EPS15L1: variants seen among roughly 807,000 people sequenced by gnomAD.
EPS15L1 encodes epidermal growth factor receptor substrate 15-like 1.
Under a neutral mutation model 117.1 loss-of-function variants are expected in EPS15L1, and 43 were observed. The observed-to-expected ratio is 0.37, with a 90% CI of 0.29 to 0.47. The LOEUF (loss-of-function observed/expected upper bound fraction) is 0.47, where lower values mean the gene tolerates loss of function less well. Among genes scored for constraint, EPS15L1 ranks in the 20% least tolerant of loss-of-function variants. The pLI, the probability that EPS15L1 is intolerant of heterozygous loss-of-function variation, is 0.99. For missense variants in EPS15L1, 981 were observed against 1,164.0 expected (o/e 0.84, Z 2.29); for synonymous variants, 459 against 470.5 (o/e 0.98, Z 0.32).
chr19:16,466,143 C>T (rs1420329427), intron 1 of EPS15L1, among the ~76,000 whole-genome samples: 3 of 152,076 alleles, frequency 2.0e-5, no homozygotes, highest in African/African-American at 7.2e-5. Flanking sequence ...CATGTGCCAC[C>T]ACGCCTGGCT....
Position 16,434,352 on chromosome 19 carries a change from G to T in EPS15L1, c.498+13C>A, listed in dbSNP as rs759204165. 1 of 1,612,434 alleles carries T rather than the reference G, an allele frequency of 6.2e-7. No homozygotes were observed. Among genetic ancestry groups the T allele is most frequent in the Non-Finnish European group, 8.5e-7 (1 of 1,179,450 alleles). On this transcript the variant is annotated intron_variant, in intron 7 of 23. Transcript: ENST00000455140. ...CACTGAGTGCAGAAGAACCAAGCCCGTGGCCCACTTACCCTGCCCAGGACA... is the reference window on the plus strand; with the variant it reads ...CACTGAGTGCAGAAGAACCAAGCCCTTGGCCCACTTACCCTGCCCAGGACA...
rs141348200 is a variant in EPS15L1 at position 16,377,022 on chromosome 19, C to T, written c.2380+100G>A. 2.7e-5 allele frequency: 39 copies of T among 1,422,494 alleles called. No homozygotes were observed. In the Middle Eastern group the frequency reaches 7.6e-4, roughly 28 times the overall value. 88.1% of individuals were successfully genotyped at this position (1,422,494 alleles called of 1,614,324 possible). A position where few individuals can be genotyped will look rare whatever the true frequency, so the allele number is the denominator to read the frequency against. On this transcript the variant is annotated intron_variant, in intron 22 of 23. Coordinates refer to ENST00000455140, the MANE Select transcript of EPS15L1 (RefSeq NM_001258374.3). ...CTCTTGCTCCCCACACAGGGTCCCACGGCATCTGCTGCTACTCTGGGCTGG... is the reference window on the plus strand; with the variant it reads ...CTCTTGCTCCCCACACAGGGTCCCATGGCATCTGCTGCTACTCTGGGCTGG...
At chr19:16,421,183 G>A in intron 10 of EPS15L1, 136 bp downstream of exon 10, 2 of 975,086 alleles carry the variant, frequency 2.1e-6, no homozygotes, top group South Asian at 3.6e-5. Context: ...TCAGGCCAGG[G>A]AGAATAAAGG....
chr19:16,356,835 G>C (rs2091986269), intron 23 of EPS15L1: 1 of 152,170 alleles, frequency 6.6e-6, no homozygotes, highest in African/African-American at 2.4e-5. Flanking sequence ...CCCAGGGTGG[G>C]TCCCAATGTC....
chr19:16,409,887 G>A (rs1442696697), intron 13 of EPS15L1, among the ~76,000 whole-genome samples: 1 of 140,784 alleles, frequency 7.1e-6, no homozygotes, highest in Non-Finnish European at 1.5e-5. Context: ...GCAGTGAGCT[G>A]AGATCGCACC....
intron 8 of EPS15L1, 34 bp downstream of exon 8, chr19:16,428,668 C>T (rs1231186365): frequency 6.3e-7 from 1 of 1,591,586 alleles, no homozygotes; most frequent in Non-Finnish European, 8.6e-7. Context: ...CATTTCCTTC[C>T]TGGGCTGGGT....
At chr19:16,440,831 C>A (rs760376128) in intron 4 of EPS15L1, 31 bp downstream of exon 4, 8 of 1,611,950 alleles carry the variant, frequency 5.0e-6, no homozygotes, top group Non-Finnish European at 6.8e-6. Flanking sequence ...TGCCCAGCCC[C>A]TCCATTTGCT....
At chr19:16,426,423 C>CAGGA (rs1444693368) in intron 8 of EPS15L1, among the ~76,000 whole-genome samples, 2 of 152,248 alleles carry the variant, frequency 1.3e-5, no homozygotes, top group East Asian at 3.9e-4. Context: ...CACCTGAGGT[C>CAGGA]AGGAGTTCAA....
chr19:16,384,931 G>A (rs1457821403), intron 21 of EPS15L1, among the ~76,000 whole-genome samples, 198 bp downstream of exon 21: 1 of 152,214 alleles, frequency 6.6e-6, no homozygotes, highest in Non-Finnish European at 1.5e-5. Context: ...CTATGCCACT[G>A]GGAAGGGTCA....
chr19:16,399,943 G>C (rs1172574790), intron 16 of EPS15L1, among the ~76,000 whole-genome samples: 5 of 152,090 alleles, frequency 3.3e-5, no homozygotes, highest in African/African-American at 9.7e-5. Context: ...CCTAAGTCTG[G>C]GATGATTTAT....
At chr19:16,422,634 C>G (rs1352041851) in intron 9 of EPS15L1, among the ~76,000 whole-genome samples, 2 of 152,112 alleles carry the variant, frequency 1.3e-5, no homozygotes, top group African/African-American at 4.8e-5. Context: ...CCTGAAACTG[C>G]CACTCAAAGT....
rs138706027 is a variant in EPS15L1, at chr19:16,368,920, G to A, written c.2381-6936C>T. 1.8e-4 allele frequency among the ~76,000 whole-genome samples: 27 copies of A among 152,336 alleles called. No individual in the cohort carries two copies. The East Asian group carries it at 5.2e-3, about 29-fold the overall frequency. On this transcript the variant is annotated intron_variant, in intron 22 of 23. Coordinates refer to ENST00000455140, the MANE Select transcript of EPS15L1 (RefSeq NM_001258374.3). ...TGCCTAGGAGAGCAGTGGCCCGGGC[G>A]GGGCACCACTCCAGCAGAGCTCATC...
chr19:16,423,234 T>A (rs1462287903), intron 9 of EPS15L1, among the ~76,000 whole-genome samples: 1 of 152,118 alleles, frequency 6.6e-6, no homozygotes, highest in African/African-American at 2.4e-5. Context: ...GTATGTGTGA[T>A]GAAGTACAGC....
At chr19:16,417,394 T>G (rs913070029) in intron 12 of EPS15L1, 158 bp downstream of exon 12, 66 of 649,034 alleles carry the variant, frequency 1.0e-4, no homozygotes, top group Non-Finnish European at 8.4e-6. Context: ...TTCAAGCCCC[T>G]TGAGCCAGTT....
intron 4 of EPS15L1, among the ~76,000 whole-genome samples, chr19:16,439,352 A>G (rs2093007743): frequency 6.6e-6 from 1 of 152,204 alleles, no homozygotes; most frequent in Non-Finnish European, 1.5e-5. Context: ...AACTGCATTA[A>G]GCAAAGTCAA....
intron 7 of EPS15L1, among the ~76,000 whole-genome samples, chr19:16,430,179 GAA>G (rs2092913804): frequency 6.6e-6 from 1 of 152,300 alleles, no homozygotes; most frequent in African/African-American, 2.4e-5. Context: ...ACCTCTTCTA[GAA>G]AGTCTTCCCC....
intron 1 of EPS15L1, among the ~76,000 whole-genome samples, chr19:16,460,831 A>C (rs2093241954): frequency 6.6e-6 from 1 of 152,092 alleles, no homozygotes; most frequent in African/African-American, 2.4e-5. Context: ...GTGTGGGGGG[A>C]ATTGAGGGGG....
chr19:16,366,346 G>A (rs2092132809), intron 22 of EPS15L1, among the ~76,000 whole-genome samples: 1 of 152,168 alleles, frequency 6.6e-6, no homozygotes, highest in Non-Finnish European at 1.5e-5. Flanking sequence ...TCATTTTTGA[G>A]CTGCTTTTCT....
chr19:16,410,704 A>G (rs1405212209), intron 13 of EPS15L1, among the ~76,000 whole-genome samples: 2 of 152,132 alleles, frequency 1.3e-5, no homozygotes, highest in Non-Finnish European at 2.9e-5. Context: ...TGAGTCCAGG[A>G]GTTTGAGACC....
Sources: gnomAD v4.1 joint callset for allele counts (sites outside exome capture counted in the v4.1 genomes callset) on GRCh38, gnomAD v4.1.1 for gene constraint, MANE v1.5 for transcripts, NCBI Gene and HGNC (gene_info 2026-07-23, HGNC 2026-07-21) for gene names.